Variants in ZNF567 observed in about 807,000 individuals in gnomAD.
ZNF567 encodes zinc finger protein 567.
Under a neutral mutation model 53.9 loss-of-function variants are expected in ZNF567, and 36 were observed. The observed-to-expected ratio is 0.67, with a 90% CI of 0.51 to 0.88. The LOEUF (loss-of-function observed/expected upper bound fraction) is 0.88. Ranked by LOEUF, ZNF567 falls within the 40% of genes least tolerant of loss-of-function variation. The pLI, the probability that ZNF567 is intolerant of heterozygous loss-of-function variation, is 0.00. For missense variants in ZNF567, 619 were observed against 764.7 expected (o/e 0.81, Z 2.25); for synonymous variants, 224 against 260.4 (o/e 0.86, Z 1.35).
chr19:36,689,657 C>T (rs977170973), intron 2 of ZNF567, among the ~76,000 whole-genome samples, 160 bp downstream of exon 2: 2 of 152,114 alleles, frequency 1.3e-5, no homozygotes, highest in Non-Finnish European at 2.9e-5. Context: ...CCAGTCATTC[C>T]TCTTTGATAG....
chr19:36,702,998 G>C (rs1405448574), intron 3 of ZNF567, among the ~76,000 whole-genome samples: 1 of 146,672 alleles, frequency 6.8e-6, no homozygotes, highest in Non-Finnish European at 1.5e-5. Flanking sequence ...GAGGAGAGGT[G>C]CTCTGCTTTT....
chr19:36,708,545 A>G (rs1189075780), intron 3 of ZNF567, among the ~76,000 whole-genome samples: 1 of 152,180 alleles, frequency 6.6e-6, no homozygotes, highest in African/African-American at 2.4e-5. Flanking sequence ...GTTTTGACAA[A>G]TATATAATGG....
downstream of ZNF567, among the ~76,000 whole-genome samples, chr19:36,725,025 G>A (rs1021618928): frequency 7.2e-5 from 11 of 151,994 alleles, no homozygotes; most frequent in African/African-American, 2.4e-4. Flanking sequence ...AACATAGTTT[G>A]CTGAAAATAG....
chr19:36,724,407 G>C (rs1050734405), downstream of ZNF567, among the ~76,000 whole-genome samples: 1 of 151,946 alleles, frequency 6.6e-6, no homozygotes, highest in Non-Finnish European at 1.5e-5. Context: ...CTCAGGCCAG[G>C]TGTGGTGGCT....
chr19:36,726,916 A>G (rs992534760), downstream of ZNF567, among the ~76,000 whole-genome samples: 2 of 150,488 alleles, frequency 1.3e-5, no homozygotes, highest in South Asian at 2.1e-4. Context: ...TTCCCTACTC[A>G]GCCTTTGCAA....
the ZNF567 span, among the ~76,000 whole-genome samples, chr19:36,676,055 CTTTTTTTTTT>C: frequency 1.6e-3 from 97 of 60,614 alleles, no homozygotes; most frequent in Non-Finnish European, 2.5e-3. Flanking sequence ...TATTCTACAC[CTTTTTTTTTT>C]TTTTTTTTTT....
At chr19:36,667,117 C>T in the ZNF567 span, among the ~76,000 whole-genome samples, 1 of 152,118 alleles carries the variant, frequency 6.6e-6, no homozygotes, top group Non-Finnish European at 1.5e-5. Flanking sequence ...CCCGGCTTCC[C>T]TTTGTGGAGT....
chr19:36,672,197 T>C, the ZNF567 span, among the ~76,000 whole-genome samples: 14 of 152,252 alleles, frequency 9.2e-5, 1 homozygote, highest in Non-Finnish European at 2.1e-4. Flanking sequence ...TTGTTCATTT[T>C]TCCTAGAAGG....
At chr19:36,688,318 CACTGTGTG>C (rs1426437154) in intron 1 of ZNF567, among the ~76,000 whole-genome samples, 1 of 152,062 alleles carries the variant, frequency 6.6e-6, no homozygotes, top group African/African-American at 2.4e-5. Flanking sequence ...GAATGTGGCA[CACTGTGTG>C]ACTTAGGTGG....
At chr19:36,723,468 G>A, downstream of ZNF567, 1 of 486,214 alleles carries the variant, frequency 2.1e-6, no homozygotes, top group Non-Finnish European at 3.6e-6. Flanking sequence ...ATATATTCAT[G>A]TTTTATAGCT....
Position 36,712,774 on chromosome 19 carries a change from T to G in ZNF567, c.137-7T>G. The G allele has an allele frequency of 6.2e-7, 1 of 1,612,520 alleles. No individual in the cohort carries two copies. The highest frequency in any genetic ancestry group is 8.5e-7 in the Non-Finnish European group (1 of 1,179,428). Reference sequence around the variant, plus strand: ...CAATCAACTTAAGTCTTTTTTTCACTTTTCAGGGTGTCACATGACCAAACC... The same window carrying G: ...CAATCAACTTAAGTCTTTTTTTCACGTTTCAGGGTGTCACATGACCAAACC... On this transcript the variant is annotated splice_polypyrimidine_tract_variant and splice_region_variant and intron_variant, in intron 4 of 5. Transcript: ENST00000682579.
Position 36,719,714 on chromosome 19 carries a change from A to G in ZNF567, c.990A>G (p.Thr330=), listed in dbSNP as rs760314284. The G allele has an allele frequency of 6.8e-6, 11 of 1,613,984 alleles. No individual in the cohort carries two copies. The South Asian group carries it at 1.1e-4, about 16-fold the overall frequency. The change falls in exon 6 of 6, where the codon ACA becomes ACG. Residue 330 remains threonine (T), a synonymous_variant. Coordinates refer to ENST00000682579, the MANE Select transcript of ZNF567 (RefSeq NM_001322917.1). ...LKTALTDHQR[T]HTGEKSYECL... ...CAGCCCTCACTGATCATCAGAGAAC[A>G]CACACAGGGGAGAAATCGTATGAAT...
intron 2 of ZNF567, among the ~76,000 whole-genome samples, chr19:36,693,113 C>A (rs565283286): frequency 1.3e-5 from 2 of 151,964 alleles, no homozygotes; most frequent in South Asian, 4.2e-4. Context: ...CATAGTAAGA[C>A]CCCATTTCTA....
At chr19:36,721,732 C>CTTTTTTT (rs756276834), downstream of ZNF567, among the ~76,000 whole-genome samples, 3 of 121,650 alleles carry the variant, frequency 2.5e-5, no homozygotes, top group South Asian at 2.7e-4. Flanking sequence ...GTACCAGAGT[C>CTTTTTTT]TTTTTTTTTT....
chr19:36,717,034 C>T (rs3108198), intron 5 of ZNF567, among the ~76,000 whole-genome samples: 45,241 of 151,726 alleles, frequency 0.3, 6,807 homozygotes, highest in African/African-American at 0.33. Flanking sequence ...ACCATGTTGG[C>T]CAGGCTGGTC....
At chr19:36,677,570 C>T in the ZNF567 span, among the ~76,000 whole-genome samples, 1 of 151,350 alleles carries the variant, frequency 6.6e-6, no homozygotes, top group East Asian at 2.0e-4. Flanking sequence ...AGTTCGAGAC[C>T]AGCATGGCCA....
chr19:36,683,473 T>C (rs939662476), upstream of ZNF567, among the ~76,000 whole-genome samples: 5 of 152,236 alleles, frequency 3.3e-5, no homozygotes, highest in African/African-American at 1.2e-4. Flanking sequence ...TTTATTACAC[T>C]GAATGAAACC....
At chr19:36,695,624 A>G (rs758601888) in intron 3 of ZNF567, among the ~76,000 whole-genome samples, 1 of 151,946 alleles carries the variant, frequency 6.6e-6, no homozygotes, top group Non-Finnish European at 1.5e-5. Context: ...GCTTAAGCCC[A>G]GAGGTCAGGT....
chr19:36,712,902 CA>C, intron 5 of ZNF567, 35 bp downstream of exon 5: 1 of 1,543,058 alleles, frequency 6.5e-7, no homozygotes, highest in Non-Finnish European at 8.9e-7. Context: ...CACAGTCTAG[CA>C]GAATGTAAAT....
Sources: gnomAD v4.1 joint callset for allele counts (sites outside exome capture counted in the v4.1 genomes callset) on GRCh38, gnomAD v4.1.1 for gene constraint, MANE v1.5 for transcripts, NCBI Gene and HGNC (gene_info 2026-07-23, HGNC 2026-07-21) for gene names.